RSL1D1: variants seen among roughly 807,000 people sequenced by gnomAD.
The protein encoded by RSL1D1 is ribosomal L1 domain containing 1, also known as ribosomal L1 domain-containing protein 1.
A neutral mutation model predicts 44.6 loss-of-function variants in RSL1D1; 34 were observed. That is an observed-to-expected ratio of 0.76 (90% CI 0.58 to 1.02). The LOEUF (loss-of-function observed/expected upper bound fraction) is 1.02. RSL1D1 is among the 50% of genes least tolerant of loss of function. The probability of loss-of-function intolerance (pLI) is 0.00; values close to 1 mark genes in which losing one functional copy is unlikely to be tolerated. For synonymous variants in RSL1D1, 271 were observed against 207.4 expected (o/e 1.31, Z -2.63); for missense variants, 767 against 568.1 (o/e 1.35, Z -3.56).
chr16:11,851,538 C>T lies in RSL1D1; in HGVS notation c.-26G>A, dbSNP rs779985580. Reference sequence around the variant, plus strand: ...CTTGTTTCCACCTCGTGAAGAGGCGCGTGTGCAACCCCACTGCTGGCTTCT... The same window carrying T: ...CTTGTTTCCACCTCGTGAAGAGGCGTGTGTGCAACCCCACTGCTGGCTTCT... On this transcript the variant is annotated 5_prime_UTR_variant, in exon 1 of 9. Transcript: ENST00000571133. 4.4e-5 allele frequency: 70 copies of T among 1,605,630 alleles called. No homozygotes were observed. The highest frequency in any genetic ancestry group is 5.9e-5 in the Non-Finnish European group (69 of 1,174,570).
chr16:11,843,253 T>C (rs779513568), intron 5 of RSL1D1, among the ~76,000 whole-genome samples: 1 of 151,530 alleles, frequency 6.6e-6, no homozygotes, highest in Non-Finnish European at 1.5e-5. Flanking sequence ...GTATTTTTAG[T>C]AGAGATGGGG....
intron 5 of RSL1D1, among the ~76,000 whole-genome samples, chr16:11,842,841 C>G (rs981155484): frequency 6.6e-6 from 1 of 151,656 alleles, no homozygotes. Flanking sequence ...CTGCAACCTT[C>G]GCCTCCTGGG....
At chr16:11,847,304 G>T (rs568361542) in intron 3 of RSL1D1, among the ~76,000 whole-genome samples, 1 of 152,322 alleles carries the variant, frequency 6.6e-6, no homozygotes, top group East Asian at 1.9e-4. Context: ...GAACCTGGGA[G>T]GTGGAGGTTG....
rs1386851382 is a variant in RSL1D1 at position 11,838,167 on chromosome 16, C to G, written c.1147-54G>C. On this transcript the variant is annotated intron_variant, in intron 8 of 8. Transcript: ENST00000571133. ...AGAAAAAGCCACAAAACCTGACACT[C>G]TAACTCCAGGAGTTACTGTTTTTAT... The G allele has an allele frequency of 6.0e-6, 8 of 1,338,358 alleles. No homozygotes were observed. The Admixed American group carries it at 1.6e-4, about 27-fold the overall frequency. 82.9% of individuals were successfully genotyped at this position (1,338,358 alleles called of 1,614,324 possible).
At chr16:11,843,016 G>A (rs1042877264) in intron 5 of RSL1D1, among the ~76,000 whole-genome samples, 14 of 151,498 alleles carry the variant, frequency 9.2e-5, no homozygotes, top group African/African-American at 3.4e-4. Context: ...CCACCTCCTG[G>A]GTTCAAGCGA....
Position 11,847,783 on chromosome 16 carries a change from G to C in RSL1D1, c.269C>G (p.Ser90Ter). 1.2e-6 allele frequency: 2 copies of C among 1,613,302 alleles called. No individual in the cohort carries two copies. The highest frequency in any genetic ancestry group is 1.7e-6 in the Non-Finnish European group (2 of 1,179,694). ...AAATAAACAGATATCTTCTGAATCT[G>C]ATCGAATACTATGAGGCAAGGTCCT... ...VRLTLPHSIRSDSEDICLFTK... is the reference protein window; with the variant it reads ...VRLTLPHSIR Residue 90 changes from serine (S) to a stop codon, truncating the protein, a stop_gained, in exon 3 of 9, where the codon TCA becomes TGA. Transcript: ENST00000571133. LOFTEE classifies it high-confidence loss of function.
At chr16:11,841,853 T>C (rs1224032775) in intron 6 of RSL1D1, 33 bp from the exon 7 acceptor site, 2 of 1,612,498 alleles carry the variant, frequency 1.2e-6, no homozygotes, top group Admixed American at 1.7e-5. Flanking sequence ...ATCGTCTACA[T>C]ATACTTTGTT....
chr16:11,849,345 A>C (rs1290462700), intron 2 of RSL1D1: 1 of 151,148 alleles, frequency 6.6e-6, no homozygotes, highest in Non-Finnish European at 1.5e-5. Flanking sequence ...CACAGATCTC[A>C]CTATTGTACT....
chr16:11,846,385 A>C, intron 5 of RSL1D1, 116 bp downstream of exon 5: 6 of 592,844 alleles, frequency 1.0e-5, no homozygotes, highest in Non-Finnish European at 1.7e-5. Context: ...ACAGAGTAAG[A>C]CTCCATCTCA....
rs932460425 is a variant in RSL1D1 at position 11,837,686 on chromosome 16, G to A, written c.*101C>T. ...GTTTTAAAAAATCTTTTAAGTCCAG[G>A]CCTGACGTTTAGAGAAGGTTACAAA... On this transcript the variant is annotated 3_prime_UTR_variant, in exon 9 of 9. Transcript: ENST00000571133. The A allele has an allele frequency of 4.5e-6, 5 of 1,100,384 alleles. No homozygotes were observed. In the Admixed American group the frequency reaches 1.2e-4, roughly 25 times the overall value. 68.2% of individuals were successfully genotyped at this position (1,100,384 alleles called of 1,614,324 possible).
chr16:11,837,880 G>C lies in RSL1D1; in HGVS notation c.1380C>G (p.Ala460=), dbSNP rs753086901. ...DARQTPKKPE[A]KFFTTPSKSV... ...ATTTACTAGGAGTGGTGAAAAACTT[G>C]GCCTCTGGCTTTTTTGGAGTCTGTC... Residue 460 remains alanine (A), a synonymous_variant, in exon 9 of 9, where the codon GCC becomes GCG. Transcript: ENST00000571133. The C allele has an allele frequency of 4.3e-6, 7 of 1,613,876 alleles. No homozygotes were observed. The East Asian group carries it at 1.6e-4, about 36-fold the overall frequency.
In RSL1D1 at chr16:11,837,675, T is replaced by G. The variant is rs1314566350; in HGVS notation, c.*112A>C. The G allele has an allele frequency of 9.6e-7, 1 of 1,041,298 alleles. No individual in the cohort carries two copies. Among genetic ancestry groups the G allele is most frequent in the Non-Finnish European group, 1.4e-6 (1 of 704,794 alleles). 64.5% of individuals were successfully genotyped at this position (1,041,298 alleles called of 1,614,324 possible). A position where few individuals can be genotyped will look rare whatever the true frequency, so the allele number is the denominator to read the frequency against. On this transcript the variant is annotated 3_prime_UTR_variant, in exon 9 of 9. Transcript: ENST00000571133. ...TACTTATGGAGGTTTTAAAAAATCT[T>G]TTAAGTCCAGGCCTGACGTTTAGAG...
chr16:11,838,652 T>C (rs1596437748), intron 8 of RSL1D1, among the ~76,000 whole-genome samples: 1 of 145,668 alleles, frequency 6.9e-6, no homozygotes, highest in African/African-American at 2.5e-5. Context: ...AGGCCAGGAG[T>C]TCAAGAGTAG....
At chr16:11,850,198 T>G in intron 2 of RSL1D1, 81 bp downstream of exon 2, 1 of 1,350,508 alleles carries the variant, frequency 7.4e-7, no homozygotes, top group Non-Finnish European at 1.0e-6. Flanking sequence ...AAGTTTCCAT[T>G]AGTAACCATG....
chr16:11,851,366 C>T lies in RSL1D1; in HGVS notation c.105+42G>A, dbSNP rs778330411. On this transcript the variant is annotated intron_variant, in intron 1 of 8. Coordinates refer to ENST00000571133, the MANE Select transcript of RSL1D1 (RefSeq NM_015659.3). Reference sequence around the variant, plus strand: ...GGCACCCTGCGCCTCACGAGGTAACCGCCACACTGCTTCCAAGCCACCCTC... The same window carrying T: ...GGCACCCTGCGCCTCACGAGGTAACTGCCACACTGCTTCCAAGCCACCCTC... 21 of 1,584,584 alleles carry T rather than the reference C, an allele frequency of 1.3e-5. No individual in the cohort carries two copies. The East Asian group carries it at 2.7e-4, about 20-fold the overall frequency.
intron 8 of RSL1D1, 116 bp from the exon 9 acceptor site, chr16:11,838,229 T>C: frequency 1.1e-6 from 1 of 874,546 alleles, no homozygotes. Flanking sequence ...GTTTCGCTCT[T>C]GCTGCCCATG....
chr16:11,846,518 A>G lies in RSL1D1; in HGVS notation c.618T>C (p.Ser206=). 6.3e-7 allele frequency: 1 copy of G among 1,578,288 alleles called. No individual in the cohort carries two copies. Among genetic ancestry groups the G allele is most frequent in the Non-Finnish European group, 8.6e-7 (1 of 1,162,088 alleles). Residue 206 remains serine (S), a synonymous_variant, in exon 5 of 9, where the codon TCT becomes TCC. Coordinates refer to ENST00000571133, the MANE Select transcript of RSL1D1 (RefSeq NM_015659.3). The part of the protein sequence containing the change: ...DCIGGTVLNI[S]KSGSCSAIRI... ...TTACCTACCTGCAAGAACCACTTTT[A>G]GAAATGTTTAAGACTGTTCCACCTA...
chr16:11,836,112 A>AT lies in RSL1D1; in HGVS notation c.*1674dup, dbSNP rs2053715334. The AT allele has an allele frequency of 6.6e-6, 1 of 152,176 alleles. No homozygotes were observed. The highest frequency in any genetic ancestry group is 2.4e-5 in the African/African-American group (1 of 41,428). 9.4% of individuals were successfully genotyped at this position (152,176 alleles called of 1,614,324 possible). A position where few individuals can be genotyped will look rare whatever the true frequency, so the allele number is the denominator to read the frequency against. On this transcript the variant is annotated 3_prime_UTR_variant, in exon 9 of 9. Coordinates refer to ENST00000571133, the MANE Select transcript of RSL1D1 (RefSeq NM_015659.3). ...ATCACAGCTGTAAATCATGTGCTTAATGCAAGGTGCCCTTCTGACCTTCAC... is the reference window on the plus strand; with the variant it reads ...ATCACAGCTGTAAATCATGTGCTTAATTGCAAGGTGCCCTTCTGACCTTCAC...
chr16:11,847,358 G>C (rs1020786723), intron 3 of RSL1D1, among the ~76,000 whole-genome samples: 11 of 152,052 alleles, frequency 7.2e-5, no homozygotes, highest in Non-Finnish European at 1.6e-4. Flanking sequence ...CTGGGCGACA[G>C]AGCGAGACTC....
Sources: gnomAD v4.1 joint callset for allele counts (sites outside exome capture counted in the v4.1 genomes callset) on GRCh38, gnomAD v4.1.1 for gene constraint, MANE v1.5 for transcripts, NCBI Gene and HGNC (gene_info 2026-07-23, HGNC 2026-07-21) for gene names.